Variants in PITPNM2 observed in about 807,000 individuals in gnomAD.
The protein encoded by PITPNM2 is phosphatidylinositol transfer protein membrane associated 2, also known as membrane-associated phosphatidylinositol transfer protein 2.
A neutral mutation model predicts 132.2 loss-of-function variants in PITPNM2; 35 were observed. That is an observed-to-expected ratio of 0.26 (90% confidence interval 0.20 to 0.35). PITPNM2 has a LOEUF of 0.35. Among genes scored for constraint, PITPNM2 ranks in the 10% least tolerant of loss-of-function variants. The pLI, the probability that PITPNM2 is intolerant of heterozygous loss-of-function variation, is 1.00. For synonymous variants in PITPNM2, 738 were observed against 799.2 expected, an observed-to-expected ratio of 0.92 and a Z score of 1.29; for missense variants, 1,332 against 1,912.0, an observed-to-expected ratio of 0.70 and a Z score of 5.66.
intron 10 of PITPNM2, among the ~76,000 whole-genome samples, chr12:122,999,597 C>T (rs2038572343): frequency 6.6e-6 from 1 of 151,960 alleles, no homozygotes; most frequent in Admixed American, 6.5e-5. Flanking sequence ...CTGGGCTCAG[C>T]CCTGGAGATG....
intron 2 of PITPNM2, among the ~76,000 whole-genome samples, chr12:123,080,849 G>A (rs534392711): frequency 6.6e-6 from 1 of 152,186 alleles, no homozygotes; most frequent in Non-Finnish European, 1.5e-5. Context: ...GATGATGCTG[G>A]CGCCACCCAA....
intron 2 of PITPNM2, among the ~76,000 whole-genome samples, chr12:123,039,640 T>C (rs752705099): frequency 2.7e-4 from 41 of 152,302 alleles, no homozygotes; most frequent in South Asian, 6.2e-4. Flanking sequence ...CATGTCCTCA[T>C]ACATTTGTCC....
chr12:123,133,791 A>C (rs944403508), intron 1 of PITPNM2, among the ~76,000 whole-genome samples: 37 of 89,780 alleles, frequency 4.1e-4, no homozygotes, highest in Middle Eastern at 4.5e-3. Flanking sequence ...ATTATTAATG[A>C]ACACACACAC....
intron 13 of PITPNM2, 24 bp from the exon 14 acceptor site, chr12:122,995,684 A>G: frequency 6.4e-7 from 1 of 1,562,378 alleles, no homozygotes; most frequent in Non-Finnish European, 8.6e-7. Context: ...GTGGAGGCTC[A>G]CTGCCAGGTG....
At position 123,004,148 on chromosome 12, in the gene PITPNM2, C is replaced by T. The variant is rs2038813942; in HGVS notation, c.1048+246G>A. On this transcript the variant is annotated intron_variant, in intron 8 of 25. Coordinates refer to ENST00000320201, the MANE Select transcript of PITPNM2 (RefSeq NM_020845.3). The surrounding 1 kb of genome is among the most constrained non-coding windows in gnomAD (Gnocchi z 4.9). ...GAGCGCAGTCCCCATCTGCCAGGCC[C>T]ACAGCACATCCTGATATCGGGTTCT... Among the ~76,000 whole-genome samples, 2 of 152,300 alleles carry T rather than the reference C, an allele frequency of 1.3e-5. No individual in the cohort carries two copies. Among genetic ancestry groups the T allele is most frequent in the East Asian group, 1.9e-4 (1 of 5,184 alleles).
chr12:123,041,871 G>T (rs1178244096), intron 2 of PITPNM2, among the ~76,000 whole-genome samples: 5 of 152,218 alleles, frequency 3.3e-5, no homozygotes, highest in African/African-American at 1.2e-4. Flanking sequence ...GGCTTCAAAT[G>T]TGGCACCTGG....
intron 1 of PITPNM2, among the ~76,000 whole-genome samples, chr12:123,143,910 T>C (rs1442394828): frequency 6.6e-6 from 1 of 152,162 alleles, no homozygotes; most frequent in Non-Finnish European, 1.5e-5. Context: ...CCATCAGCAT[T>C]GTGAGGTGCC....
chr12:123,126,914 C>A (rs1241070534), intron 1 of PITPNM2, among the ~76,000 whole-genome samples: 2 of 152,238 alleles, frequency 1.3e-5, no homozygotes, highest in Non-Finnish European at 2.9e-5. Flanking sequence ...TCTCTGGTTT[C>A]CAGCAGGAGC....
At position 123,023,822 on chromosome 12, in the gene PITPNM2, C is replaced by CA. The variant is rs1408146614; in HGVS notation, c.79-9781dup. Among the ~76,000 whole-genome samples, 5 of 152,088 alleles carry CA rather than the reference C, an allele frequency of 3.3e-5. No individual in the cohort carries two copies. The highest frequency in any genetic ancestry group is 1.2e-4 in the African/African-American group (5 of 41,410). ...TTAACAACTTTTATGCTTCAAAGGA[C>CA]ACTAAAAAGAAAGTGAAAAAACAAC... On this transcript the variant is annotated intron_variant, in intron 3 of 25. Coordinates refer to ENST00000320201, the MANE Select transcript of PITPNM2 (RefSeq NM_020845.3). This position sits in a 1 kb window ranked among gnomAD's most constrained non-coding sequence, Gnocchi z 4.8.
chr12:123,019,943 T>C (rs925031295), intron 3 of PITPNM2, among the ~76,000 whole-genome samples: 1 of 151,982 alleles, frequency 6.6e-6, no homozygotes, highest in African/African-American at 2.4e-5. Flanking sequence ...AGGACAGATA[T>C]GCTGGGTAGG....
At position 123,004,381 on chromosome 12, in the gene PITPNM2, G is replaced by A. The variant is rs150917915; in HGVS notation, c.1048+13C>T. ...AGGAAGGCCCCAAGGACTGCAGAGC[G>A]CTGCCTGCCTACCGTGCGCATCGAA... is the stretch of plus-strand genomic sequence containing the variant. On this transcript the variant is annotated intron_variant, in intron 8 of 25. Coordinates refer to ENST00000320201, the MANE Select transcript of PITPNM2 (RefSeq NM_020845.3). This position sits in a 1 kb window ranked among gnomAD's most constrained non-coding sequence, Gnocchi z 4.9. The A allele has an allele frequency of 2.2e-4, 356 of 1,613,278 alleles. No individual in the cohort carries two copies. In the African/African-American group the frequency reaches 4.0e-3, roughly 18 times the overall value.
chr12:122,995,868 TC>T (rs2038405291), intron 13 of PITPNM2, among the ~76,000 whole-genome samples: 1 of 152,204 alleles, frequency 6.6e-6, no homozygotes. Flanking sequence ...CAGGCCGTTT[TC>T]CACTATGCAG....
At chr12:123,011,444 G>A (rs575965871) in intron 5 of PITPNM2, among the ~76,000 whole-genome samples, 1 of 152,340 alleles carries the variant, frequency 6.6e-6, no homozygotes, top group East Asian at 1.9e-4. Context: ...GCCTCAGAGG[G>A]AGCCTGCAGA....
At chr12:123,109,377 C>T (rs775545317) in intron 2 of PITPNM2, among the ~76,000 whole-genome samples, 9 of 152,176 alleles carry the variant, frequency 5.9e-5, no homozygotes, top group Non-Finnish European at 1.3e-4. Flanking sequence ...CTTGGGAGGC[C>T]AGGGGCTCCT....
chr12:122,995,726 G>T, intron 13 of PITPNM2, 66 bp from the exon 14 acceptor site: 8 of 1,487,242 alleles, frequency 5.4e-6, no homozygotes, highest in Non-Finnish European at 7.1e-6. Flanking sequence ...CCAGTGTCCT[G>T]GAAGCTGCCT....
chr12:123,012,329 C>A (rs1484609472), intron 5 of PITPNM2, among the ~76,000 whole-genome samples: 1 of 152,144 alleles, frequency 6.6e-6, no homozygotes, highest in Non-Finnish European at 1.5e-5. Context: ...GATGCCCGAG[C>A]CCATATGTAC....
Position 122,996,442 on chromosome 12 carries a change from G to C in PITPNM2, c.1782+16C>G, listed in dbSNP as rs1192803531. 6.2e-7 allele frequency: 1 copy of C among 1,612,642 alleles called. No homozygotes were observed. The highest frequency in any genetic ancestry group is 1.1e-5 in the South Asian group (1 of 91,064). On this transcript the variant is annotated intron_variant, in intron 13 of 25. Transcript: ENST00000320201. ...GCTTCAGGCCTTGGGGACTGTCTGG[G>C]CCCCCACTTGGGTACCTGCATGCTG...
At chr12:123,148,096 G>A (rs897635454) in intron 1 of PITPNM2, among the ~76,000 whole-genome samples, 2 of 152,176 alleles carry the variant, frequency 1.3e-5, no homozygotes, top group African/African-American at 4.8e-5. Context: ...ACCAGATGAG[G>A]ATTTGCCATG....
At chr12:123,103,201 A>G (rs1265308057) in intron 2 of PITPNM2, among the ~76,000 whole-genome samples, 1 of 152,208 alleles carries the variant, frequency 6.6e-6, no homozygotes, top group Non-Finnish European at 1.5e-5. Context: ...CCTTACAGTG[A>G]TGATCCCTGA....
Sources: allele counts gnomAD v4.1 joint callset (sites outside exome capture counted in the v4.1 genomes callset), GRCh38; gene constraint gnomAD v4.1.1; non-coding constraint Gnocchi (gnomAD v3.1); transcripts MANE v1.5; gene names NCBI Gene and HGNC (gene_info 2026-07-23, HGNC 2026-07-21).